The following ATP7A variants were observed in gnomAD, a reference collection of about 807,000 sequenced individuals.
ATP7A encodes copper-transporting ATPase 1.
In ATP7A, 7 loss-of-function variants were observed where a neutral mutation model predicts 83.5. The observed-to-expected ratio is 0.08, with a 90% confidence interval of 0.05 to 0.16. ATP7A has a LOEUF of 0.16. ATP7A is among the 10% of genes least tolerant of loss of function. The pLI is 1.00. For missense variants in ATP7A, 940 were observed against 1,120.8 expected (o/e 0.84, Z 2.30); for synonymous variants, 354 against 395.2 (o/e 0.90, Z 1.24).
intron 1 of ATP7A, among the ~76,000 whole-genome samples, chrX:77,948,278 T>G (rs1250943119): frequency 9.2e-6 from 1 of 108,508 alleles, no homozygotes; most frequent in Non-Finnish European, 1.9e-5. Context: ...CAGGCGCCCA[T>G]CACTACGCCC....
intron 14 of ATP7A, 142 bp from the exon 15 acceptor site, chrX:78,029,108 G>T: frequency 1.6e-6 from 1 of 608,283 alleles, no homozygotes. Context: ...TTTCTTACCT[G>T]TAACTAAAAA....
rs781931232 is a variant in ATP7A at position 78,047,554 on chromosome X, TTTG to T, written c.*1015_*1017del. 482 of 110,838 alleles carry T rather than the reference TTTG, an allele frequency of 4.3e-3. 2 individuals are homozygous for T. The highest frequency in any genetic ancestry group is 9.2e-3 in the Middle Eastern group (2 of 217). 9.1% of individuals were successfully genotyped at this position (110,838 alleles called of 1,213,427 possible). On this transcript the variant is annotated 3_prime_UTR_variant, in exon 23 of 23. Transcript: ENST00000341514. ...AAATTACCTGGATTCACTAAATTTG[TTTG>T]TTGTTGTTGTTGTTGTTGTTGTTGT...
At chrX:77,927,640 A>AT (rs781961378) in intron 1 of ATP7A, among the ~76,000 whole-genome samples, 23 of 110,855 alleles carry the variant, frequency 2.1e-4, no homozygotes, top group South Asian at 7.6e-4. Context: ...AAAGGTATGC[A>AT]TTTTTTTTAT....
At chrX:77,933,126 C>T (rs1277715537) in intron 1 of ATP7A, among the ~76,000 whole-genome samples, 3 of 112,064 alleles carry the variant, frequency 2.7e-5, no homozygotes, top group Non-Finnish European at 5.6e-5. Flanking sequence ...TTACTGTGTG[C>T]TTTACATGTA....
intron 16 of ATP7A, among the ~76,000 whole-genome samples, chrX:78,033,088 G>A (rs1356466312): frequency 1.8e-5 from 2 of 112,089 alleles, no homozygotes; most frequent in African/African-American, 6.5e-5. Context: ...TAGAGAGTGG[G>A]ATTAAAACAA....
chrX:77,964,370 GC>G (rs2077491830), intron 1 of ATP7A: 1 of 111,836 alleles, frequency 8.9e-6, no homozygotes. Flanking sequence ...TTGAAAGGCT[GC>G]AGATGGATGG....
At chrX:77,978,060 T>C (rs1313967830) in intron 2 of ATP7A, among the ~76,000 whole-genome samples, 1 of 111,508 alleles carries the variant, frequency 9.0e-6, no homozygotes, top group Non-Finnish European at 1.9e-5. Context: ...TGTGTTTATA[T>C]GGTCATGTGT....
rs190780094 is a variant in ATP7A, at chrX:78,037,002, A to G, written c.3512-1834A>G. 5.0e-4 allele frequency among the ~76,000 whole-genome samples: 56 copies of G among 111,899 alleles called. 1 individual carries two copies. Among genetic ancestry groups the G allele is most frequent in the Non-Finnish European group, 8.8e-4 (47 of 53,175 alleles). On this transcript the variant is annotated intron_variant, in intron 17 of 22. Coordinates refer to ENST00000341514, the MANE Select transcript of ATP7A (RefSeq NM_000052.7). ...CGTATGAGACAAACAGGAGTCAAGAATTATGCCAAGGTTTGTGGCCTAAGC... is the reference window on the plus strand; with the variant it reads ...CGTATGAGACAAACAGGAGTCAAGAGTTATGCCAAGGTTTGTGGCCTAAGC...
chrX:77,923,673 AAAG>A (rs1472217755), intron 1 of ATP7A: 4 of 109,180 alleles, frequency 3.7e-5, no homozygotes, highest in Non-Finnish European at 5.7e-5. Context: ...ACCGCTTTCA[AAAG>A]AAGGTGTTGT....
intron 1 of ATP7A, among the ~76,000 whole-genome samples, chrX:77,929,119 G>A (rs1216056631): frequency 8.9e-6 from 1 of 111,975 alleles, no homozygotes; most frequent in Non-Finnish European, 1.9e-5. Flanking sequence ...AGATTAATGT[G>A]TTTCTTTTAG....
chrX:77,945,679 A>G (rs945557277), intron 1 of ATP7A, among the ~76,000 whole-genome samples: 1 of 112,107 alleles, frequency 8.9e-6, no homozygotes, highest in South Asian at 3.6e-4. Flanking sequence ...TAATTTGCCA[A>G]ATTATTTTAA....
intron 2 of ATP7A, among the ~76,000 whole-genome samples, chrX:77,983,441 C>T (rs2077615627): frequency 8.9e-6 from 1 of 111,867 alleles, no homozygotes; most frequent in Non-Finnish European, 1.9e-5. Context: ...ATAAAGTATA[C>T]TGTGCCTGAA....
At chrX:77,948,038 C>T (rs782442908) in intron 1 of ATP7A, among the ~76,000 whole-genome samples, 1 of 109,299 alleles carries the variant, frequency 9.1e-6, no homozygotes, top group South Asian at 3.9e-4. Flanking sequence ...CCATGCCTGG[C>T]CATTTTACCA....
At chrX:78,020,914 T>C (rs2077901337) in intron 13 of ATP7A, 31 bp from the exon 14 acceptor site, 1 of 1,187,235 alleles carries the variant, frequency 8.4e-7, no homozygotes, top group Non-Finnish European at 1.1e-6. Flanking sequence ...ATGCTTCTTC[T>C]TCTTATTATT....
intron 1 of ATP7A, among the ~76,000 whole-genome samples, chrX:77,914,889 T>C (rs2077177233): frequency 8.9e-6 from 1 of 112,421 alleles, no homozygotes; most frequent in Non-Finnish European, 1.9e-5. Context: ...GTTTGTTTTT[T>C]CATCTTGACA....
intron 1 of ATP7A, among the ~76,000 whole-genome samples, chrX:77,971,349 A>G (rs2149073641): frequency 8.9e-6 from 1 of 112,570 alleles, no homozygotes; most frequent in African/African-American, 3.2e-5. Flanking sequence ...ACTCTATGAA[A>G]GCTAGTTACT....
intron 1 of ATP7A, among the ~76,000 whole-genome samples, chrX:77,912,221 C>G (rs2077164426): frequency 9.0e-6 from 1 of 111,618 alleles, no homozygotes; most frequent in Admixed American, 9.6e-5. Context: ...TTTAAAAAAT[C>G]TCACTAACGT....
At chrX:77,995,069 C>A (rs782529532) in intron 4 of ATP7A, among the ~76,000 whole-genome samples, 1 of 111,506 alleles carries the variant, frequency 9.0e-6, no homozygotes, top group South Asian at 3.8e-4. Flanking sequence ...ATTATCGGGA[C>A]ATGAAGTGAC....
chrX:77,959,943 C>T (rs1480015808), intron 1 of ATP7A, among the ~76,000 whole-genome samples: 19 of 112,287 alleles, frequency 1.7e-4, no homozygotes, highest in African/African-American at 5.2e-4. Context: ...CTCTAACCAA[C>T]GGAACAAGAG....
Sources: gnomAD v4.1 joint callset for allele counts (sites outside exome capture counted in the v4.1 genomes callset) on GRCh38, gnomAD v4.1.1 for gene constraint, MANE v1.5 for transcripts, NCBI Gene and HGNC (gene_info 2026-07-23, HGNC 2026-07-21) for gene names.